EYS: variants seen among roughly 807,000 people sequenced by gnomAD.
EYS encodes the protein EGF-like photoreceptor maintenance factor, also known as protein eyes shut homolog.
Under a neutral mutation model 282.1 loss-of-function variants are expected in EYS, and 250 were observed. The observed-to-expected ratio is 0.89, with a 90% CI of 0.80 to 0.98. The LOEUF is 0.98. Ranked by LOEUF, EYS falls within the 50% of genes least tolerant of loss-of-function variation. EYS has a pLI of 0.00. For missense variants in EYS, 4,016 were observed against 3,709.0 expected, an observed-to-expected ratio of 1.08 and a Z score of -2.15; for synonymous variants, 1,355 against 1,282.9, an observed-to-expected ratio of 1.06 and a Z score of -1.20.
At chr6:64,408,870 T>C (rs929989879) in intron 28 of EYS, among the ~76,000 whole-genome samples, 23 of 152,168 alleles carry the variant, frequency 1.5e-4, no homozygotes, top group Non-Finnish European at 2.4e-4. Context: ...TTGCTGGGGT[T>C]TGGTGTACAA....
intron 12 of EYS, among the ~76,000 whole-genome samples, chr6:65,224,005 T>C (rs1346890579): frequency 6.6e-6 from 1 of 152,140 alleles, no homozygotes; most frequent in Non-Finnish European, 1.5e-5. Context: ...CTCAGACAAG[T>C]TGGTAACCAG....
At chr6:65,280,185 T>G (rs1471765561) in intron 12 of EYS, among the ~76,000 whole-genome samples, 4 of 152,134 alleles carry the variant, frequency 2.6e-5, no homozygotes, top group Non-Finnish European at 5.9e-5. Context: ...TGTTACTAAT[T>G]TCCAGTTTGT....
At chr6:64,187,756 A>G (rs538918533) in intron 31 of EYS, among the ~76,000 whole-genome samples, 5 of 152,238 alleles carry the variant, frequency 3.3e-5, no homozygotes, top group South Asian at 2.1e-4. Context: ...TATGTGAAAT[A>G]ACTCTTTTAG....
intron 36 of EYS, among the ~76,000 whole-genome samples, chr6:63,832,849 A>T (rs1267114411): frequency 1.3e-5 from 2 of 152,216 alleles, no homozygotes; most frequent in African/African-American, 4.8e-5. Context: ...CCAGCAGCAC[A>T]TCAAAAAGCT....
chr6:64,002,372 C>T (rs1768137065), intron 33 of EYS, among the ~76,000 whole-genome samples: 1 of 152,228 alleles, frequency 6.6e-6, no homozygotes, highest in Admixed American at 6.5e-5. Flanking sequence ...GCTCAGGATA[C>T]AGAAGGCTGT....
chr6:63,887,314 GTTTT>G (rs35622877), intron 35 of EYS, among the ~76,000 whole-genome samples: 26 of 120,240 alleles, frequency 2.2e-4, no homozygotes, highest in African/African-American at 7.6e-4. Flanking sequence ...AATAAAAGGT[GTTTT>G]TTTTTTTTTT....
At chr6:65,045,381 T>G (rs1246106512) in intron 13 of EYS, among the ~76,000 whole-genome samples, 4 of 151,892 alleles carry the variant, frequency 2.6e-5, no homozygotes, top group South Asian at 2.1e-4. Flanking sequence ...GTCTGAATGC[T>G]TGTAACACTC....
At chr6:65,068,308 A>G (rs1321604426) in intron 12 of EYS, among the ~76,000 whole-genome samples, 1 of 152,114 alleles carries the variant, frequency 6.6e-6, no homozygotes, top group Non-Finnish European at 1.5e-5. Flanking sequence ...TAATCCAAGG[A>G]TATTGCCCTC....
At chr6:64,807,301 G>A (rs1764461011) in intron 22 of EYS, among the ~76,000 whole-genome samples, 1 of 151,656 alleles carries the variant, frequency 6.6e-6, no homozygotes, top group Non-Finnish European at 1.5e-5. Flanking sequence ...GCAATGCATT[G>A]GATTCTGGTA....
intron 31 of EYS, among the ~76,000 whole-genome samples, chr6:64,215,766 A>C (rs1765910576): frequency 6.6e-6 from 1 of 152,186 alleles, no homozygotes; most frequent in African/African-American, 2.4e-5. Flanking sequence ...ACTTTCTTTA[A>C]TATTTTGCCA....
At chr6:65,347,067 G>A (rs1044824862) in intron 9 of EYS, among the ~76,000 whole-genome samples, 1 of 151,680 alleles carries the variant, frequency 6.6e-6, no homozygotes, top group Non-Finnish European at 1.5e-5. Flanking sequence ...TAGGTCAAAT[G>A]GTATAGAATT....
chr6:64,907,406 T>C (rs1467174374), intron 16 of EYS, among the ~76,000 whole-genome samples: 1 of 152,156 alleles, frequency 6.6e-6, no homozygotes, highest in Non-Finnish European at 1.5e-5. Context: ...AACCAGTTTA[T>C]TCAACCTTTC....
At chr6:65,219,793 G>T (rs1003050994) in intron 12 of EYS, among the ~76,000 whole-genome samples, 1 of 152,080 alleles carries the variant, frequency 6.6e-6, no homozygotes, top group African/African-American at 2.4e-5. Context: ...GGAGGCAAAA[G>T]GTACATCTTA....
chr6:64,958,264 C>A (rs1769778559), intron 14 of EYS, among the ~76,000 whole-genome samples: 1 of 152,034 alleles, frequency 6.6e-6, no homozygotes, highest in Non-Finnish European at 1.5e-5. Flanking sequence ...GGCCTCTAAT[C>A]CTAGTTGTTC....
intron 35 of EYS, among the ~76,000 whole-genome samples, chr6:63,911,958 T>C (rs555979927): frequency 1.9e-4 from 29 of 152,326 alleles, no homozygotes; most frequent in African/African-American, 6.7e-4. Flanking sequence ...AAGGACAAGA[T>C]AGATGTAAAC....
chr6:64,850,190 C>A (rs967164519), intron 19 of EYS, among the ~76,000 whole-genome samples: 19 of 152,026 alleles, frequency 1.2e-4, no homozygotes, highest in African/African-American at 4.6e-4. Flanking sequence ...AAACATTTGA[C>A]CCTCATGGAT....
At chr6:64,729,392 C>A (rs1771880664) in intron 22 of EYS, among the ~76,000 whole-genome samples, 1 of 152,132 alleles carries the variant, frequency 6.6e-6, no homozygotes, top group African/African-American at 2.4e-5. Context: ...CTTGCTTTTT[C>A]TAATGGGATG....
intron 29 of EYS, among the ~76,000 whole-genome samples, chr6:64,317,836 AT>A (rs1189180743): frequency 6.6e-6 from 1 of 152,180 alleles, no homozygotes; most frequent in African/African-American, 2.4e-5. Context: ...AAACCATGGA[AT>A]ACTATGCAGC....
intron 26 of EYS, among the ~76,000 whole-genome samples, chr6:64,501,106 T>C (rs1443010191): frequency 1.3e-5 from 2 of 151,622 alleles, no homozygotes; most frequent in African/African-American, 4.8e-5. Context: ...TAACTTTTTA[T>C]TTACTAATTT....
Sources: gnomAD v4.1 joint callset for allele counts (sites outside exome capture counted in the v4.1 genomes callset) on GRCh38, gnomAD v4.1.1 for gene constraint, MANE v1.5 for transcripts, NCBI Gene and HGNC (gene_info 2026-07-23, HGNC 2026-07-21) for gene names.